The following STPG2 variants were observed in gnomAD, a reference collection of about 807,000 sequenced individuals.
STPG2 encodes sperm tail PG-rich repeat containing 2, also known as sperm-tail PG-rich repeat-containing protein 2.
In STPG2, 56 loss-of-function variants were observed where a neutral mutation model predicts 54.2. That is an observed-to-expected ratio of 1.03 (90% CI 0.83 to 1.29). STPG2 has a LOEUF of 1.29. Ranked by LOEUF, STPG2 falls within the 50% of genes most tolerant of loss-of-function variation. The probability of loss-of-function intolerance (pLI) is 0.00; values close to 1 mark genes in which losing one functional copy is unlikely to be tolerated. For missense variants in STPG2, 596 were observed against 544.9 expected, an observed-to-expected ratio of 1.09 and a Z score of -0.93; for synonymous variants, 200 against 181.8, an observed-to-expected ratio of 1.10 and a Z score of -0.81.
chr4:98,010,489 T>C (rs933077077), intron 5 of STPG2, among the ~76,000 whole-genome samples: 1 of 152,184 alleles, frequency 6.6e-6, no homozygotes, highest in African/African-American at 2.4e-5. Flanking sequence ...TTTCCAACGC[T>C]TCCCATTCAA....
intron 4 of STPG2, among the ~76,000 whole-genome samples, chr4:98,106,974 TA>T (rs1739206314): frequency 6.6e-6 from 1 of 152,184 alleles, no homozygotes; most frequent in South Asian, 2.1e-4. Context: ...AATACAAAGT[TA>T]TGTAATTGCT....
chr4:97,632,543 T>G (rs1407074040), intron 10 of STPG2, among the ~76,000 whole-genome samples: 1 of 152,152 alleles, frequency 6.6e-6, no homozygotes, highest in African/African-American at 2.4e-5. Context: ...TCCTGAGTTC[T>G]TGCTCTGAAA....
At chr4:97,671,936 C>T (rs1233024781) in intron 10 of STPG2, among the ~76,000 whole-genome samples, 2 of 151,872 alleles carry the variant, frequency 1.3e-5, no homozygotes, top group Non-Finnish European at 2.9e-5. Context: ...AAAATAAAAA[C>T]TCTATCCAGT....
intron 4 of STPG2, among the ~76,000 whole-genome samples, chr4:97,481,612 A>T (rs1356106205): frequency 6.6e-6 from 1 of 151,564 alleles, no homozygotes; most frequent in Non-Finnish European, 1.5e-5. Context: ...TGATGCTATT[A>T]TCGGTGGCAC....
intron 10 of STPG2, among the ~76,000 whole-genome samples, chr4:97,700,301 T>C (rs1282431729): frequency 1.3e-5 from 2 of 152,200 alleles, no homozygotes; most frequent in Non-Finnish European, 2.9e-5. Context: ...CCTTCTCCTG[T>C]ACTGGACTCC....
At chr4:97,863,232 C>T (rs1235511480) in intron 8 of STPG2, among the ~76,000 whole-genome samples, 2 of 152,042 alleles carry the variant, frequency 1.3e-5, no homozygotes, top group Non-Finnish European at 2.9e-5. Flanking sequence ...AGAGAAGAAT[C>T]AAACACATGT....
At chr4:97,755,023 C>CA (rs946313742) in intron 9 of STPG2, among the ~76,000 whole-genome samples, 14 of 151,706 alleles carry the variant, frequency 9.2e-5, no homozygotes, top group African/African-American at 3.4e-4. Flanking sequence ...TCAAATAAAG[C>CA]AAAAAAACAA....
At chr4:97,649,219 TAA>T (rs1721996398) in intron 10 of STPG2, among the ~76,000 whole-genome samples, 1 of 152,142 alleles carries the variant, frequency 6.6e-6, no homozygotes, top group Non-Finnish European at 1.5e-5. Flanking sequence ...TATTTTTCTA[TAA>T]GTCAGGTAAT....
At chr4:97,758,886 T>C (rs190422250) in intron 9 of STPG2, among the ~76,000 whole-genome samples, 24 of 151,788 alleles carry the variant, frequency 1.6e-4, no homozygotes, top group African/African-American at 4.8e-4. Flanking sequence ...AAGGAAATTT[T>C]AGATGGAAAA....
intron 8 of STPG2, among the ~76,000 whole-genome samples, chr4:97,889,595 T>C (rs906860253): frequency 1.3e-5 from 2 of 152,106 alleles, no homozygotes; most frequent in African/African-American, 4.8e-5. Flanking sequence ...ATCTCACTAA[T>C]ATGTGGAATT....
rs1486251007 is a variant in STPG2, at chr4:97,823,656, AC to A, written c.1204+17116del. Among the ~76,000 whole-genome samples, 3 of 152,024 alleles carry A rather than the reference AC, an allele frequency of 2.0e-5. No individual in the cohort carries two copies. In the East Asian group the frequency reaches 5.8e-4, roughly 29 times the overall value. ...ACCATCTCTTGGGGTCTGGATTTGG[AC>A]CCCTTTCTGGTAATATCTTTCTGGC... On this transcript the variant is annotated intron_variant, in intron 9 of 10. Transcript: ENST00000295268.
chr4:97,930,445 ATTGCTTGT>A (rs1240675745), intron 8 of STPG2, among the ~76,000 whole-genome samples: 2 of 152,138 alleles, frequency 1.3e-5, no homozygotes, highest in Non-Finnish European at 2.9e-5. Context: ...TGTTTTCCCC[ATTGCTTGT>A]TCTTGTCAGA....
chr4:97,446,929 A>C (rs1729237005), intron 4 of STPG2, among the ~76,000 whole-genome samples: 1 of 152,202 alleles, frequency 6.6e-6, no homozygotes, highest in African/African-American at 2.4e-5. Flanking sequence ...ATAACATGAA[A>C]ATGTGGAAGC....
At chr4:97,482,785 A>G (rs1047937989) in intron 4 of STPG2, among the ~76,000 whole-genome samples, 20 of 151,662 alleles carry the variant, frequency 1.3e-4, no homozygotes, top group Non-Finnish European at 7.4e-5. Context: ...GATAAAGGAA[A>G]GTACCTTAAG....
At chr4:97,676,346 T>C (rs1443991404) in intron 10 of STPG2, among the ~76,000 whole-genome samples, 1 of 151,808 alleles carries the variant, frequency 6.6e-6, no homozygotes, top group African/African-American at 2.4e-5. Flanking sequence ...TCATGGTGTT[T>C]TGCAAGTTAT....
chr4:97,476,793 T>C (rs920736809), intron 4 of STPG2, among the ~76,000 whole-genome samples: 6 of 152,190 alleles, frequency 3.9e-5, no homozygotes, highest in African/African-American at 1.4e-4. Context: ...TAAGTTACTA[T>C]TGCAATTAGT....
chr4:97,825,139 A>G (rs191520972), intron 9 of STPG2, among the ~76,000 whole-genome samples: 1 of 152,276 alleles, frequency 6.6e-6, no homozygotes, highest in East Asian at 1.9e-4. Context: ...GAGGCACCAC[A>G]GACCCCATTT....
intron 8 of STPG2, among the ~76,000 whole-genome samples, chr4:97,850,702 T>C (rs1729131434): frequency 6.6e-6 from 1 of 152,138 alleles, no homozygotes. Flanking sequence ...TCTGAAGTCT[T>C]TTCTGAAAGC....
At position 98,046,230 on chromosome 4, in the gene STPG2, A is replaced by G. The variant is rs185533846; in HGVS notation, c.612+59723T>C. On this transcript the variant is annotated intron_variant, in intron 5 of 10. Transcript: ENST00000295268. ...CTGACTTTTTTCTATCTCTGTTGAAATTCTCACATTGTTCATACAATGCTC... is the reference window on the plus strand; with the variant it reads ...CTGACTTTTTTCTATCTCTGTTGAAGTTCTCACATTGTTCATACAATGCTC... Among the ~76,000 whole-genome samples the G allele has an allele frequency of 4.2e-3, 646 of 152,164 alleles. 3 individuals are homozygous for G. Among genetic ancestry groups the G allele is most frequent in the South Asian group, 0.025 (118 of 4,812 alleles).
Sources: allele counts gnomAD v4.1 joint callset (sites outside exome capture counted in the v4.1 genomes callset), GRCh38; gene constraint gnomAD v4.1.1; transcripts MANE v1.5; gene names NCBI Gene and HGNC (gene_info 2026-07-23, HGNC 2026-07-21).